AOAH: variants seen among roughly 807,000 people sequenced by gnomAD.
The protein encoded by AOAH is acyloxyacyl hydrolase, also known as acyloxyacyl hydrolase (neutrophil).
AOAH carries 64 observed loss-of-function variants against 92.2 expected under a neutral mutation model. The ratio of observed to expected loss-of-function variants is 0.69; its 90% CI spans 0.57 to 0.86. AOAH has a LOEUF of 0.86. AOAH is among the 40% of genes least tolerant of loss of function. The pLI is 0.00. For missense variants in AOAH, 656 were observed against 694.6 expected (o/e 0.94, Z 0.62); for synonymous variants, 263 against 254.5 (o/e 1.03, Z -0.32).
In AOAH at chr7:36,685,178, C is replaced by T. The variant is rs74873556; in HGVS notation, c.223+1521G>A. 6.3e-3 allele frequency among the ~76,000 whole-genome samples: 959 copies of T among 152,114 alleles called. 10 individuals are homozygous for T. The highest frequency in any genetic ancestry group is 0.022 in the African/African-American group (928 of 41,472). ...ACCATCCAGACTGTGGGAAACTCTACAGGTCAAATTCCACAACTAAGTGAT... is the reference window on the plus strand; with the variant it reads ...ACCATCCAGACTGTGGGAAACTCTATAGGTCAAATTCCACAACTAAGTGAT... On this transcript the variant is annotated intron_variant, in intron 2 of 20. Coordinates refer to ENST00000617537, the MANE Select transcript of AOAH (RefSeq NM_001637.4).
chr7:36,570,714 G>A (rs190018031), intron 13 of AOAH, among the ~76,000 whole-genome samples: 79 of 152,228 alleles, frequency 5.2e-4, no homozygotes, highest in African/African-American at 1.8e-3. Flanking sequence ...ATATCTCGTC[G>A]TGGTTCTTAC....
intron 1 of AOAH, among the ~76,000 whole-genome samples, chr7:36,705,967 T>C (rs1252151274): frequency 1.3e-5 from 2 of 152,090 alleles, no homozygotes; most frequent in African/African-American, 2.4e-5. Context: ...TGTAGAAAAC[T>C]GAAAATGAAC....
chr7:36,567,109 G>A (rs576567801), intron 13 of AOAH, among the ~76,000 whole-genome samples: 1 of 152,240 alleles, frequency 6.6e-6, no homozygotes, highest in Non-Finnish European at 1.5e-5. Context: ...ACCGTGCCTG[G>A]CCACTGCTCT....
At chr7:36,720,736 C>G (rs1027522905) in intron 1 of AOAH, among the ~76,000 whole-genome samples, 3 of 152,098 alleles carry the variant, frequency 2.0e-5, no homozygotes, top group Admixed American at 6.6e-5. Context: ...CTAAACTGGA[C>G]AGTGAATTTC....
intron 3 of AOAH, among the ~76,000 whole-genome samples, chr7:36,662,999 G>A (rs770622789): frequency 6.6e-6 from 1 of 152,200 alleles, no homozygotes; most frequent in African/African-American, 2.4e-5. Context: ...AGTATGGCAT[G>A]TGTACTCTTG....
chr7:36,609,369 C>T (rs1348669113), intron 11 of AOAH, among the ~76,000 whole-genome samples: 1 of 152,100 alleles, frequency 6.6e-6, no homozygotes, highest in African/African-American at 2.4e-5. Context: ...TCAAATCTGC[C>T]CCTTTCTCAG....
At chr7:36,631,673 C>T (rs1793114329) in intron 6 of AOAH, among the ~76,000 whole-genome samples, 1 of 152,168 alleles carries the variant, frequency 6.6e-6, no homozygotes, top group South Asian at 2.1e-4. Context: ...GAGTCTTCTC[C>T]ATGCCCAGTT....
intron 1 of AOAH, among the ~76,000 whole-genome samples, chr7:36,707,657 G>A (rs541942126): frequency 2.6e-5 from 4 of 152,220 alleles, no homozygotes; most frequent in African/African-American, 9.6e-5. Context: ...AAAGTTCAGC[G>A]ATTAGTCATA....
At chr7:36,657,798 G>A (rs1182943214) in intron 4 of AOAH, among the ~76,000 whole-genome samples, 2 of 152,172 alleles carry the variant, frequency 1.3e-5, no homozygotes, top group Admixed American at 6.5e-5. Context: ...ACAAGGACAT[G>A]AAATTTCAGA....
At chr7:36,686,883 T>A (rs975988511) in intron 1 of AOAH, 89 bp from the exon 2 acceptor site, 67 of 670,982 alleles carry the variant, frequency 1.0e-4, no homozygotes, top group Middle Eastern at 6.2e-4. Flanking sequence ...TGTGTGTGTG[T>A]GTGTGTGTGT....
chr7:36,514,442 C>G lies in AOAH; in HGVS notation c.1600-1062G>C, dbSNP rs373669032. On this transcript the variant is annotated intron_variant, in intron 20 of 20. Coordinates refer to ENST00000617537, the MANE Select transcript of AOAH (RefSeq NM_001637.4). ...TCCTTAGCTTAATACACAGCAGGCT[C>G]GACTCTGGCTTTCCCAGCCTGAGGC... 2.2e-5 allele frequency: 33 copies of G among 1,480,304 alleles called. No homozygotes were observed. The South Asian group carries it at 3.6e-4, about 16-fold the overall frequency. The allele number at this position is 1,480,304 out of a possible 1,614,324, so 91.7% of individuals were successfully genotyped here. A position where few individuals can be genotyped will look rare whatever the true frequency, so the allele number is the denominator to read the frequency against.
intron 1 of AOAH, among the ~76,000 whole-genome samples, chr7:36,698,595 T>C (rs956625913): frequency 2.0e-5 from 3 of 152,116 alleles, no homozygotes; most frequent in African/African-American, 7.2e-5. Context: ...TTTAGCTGCA[T>C]TCAATAGATT....
chr7:36,552,709 A>G (rs1786361072), intron 13 of AOAH, among the ~76,000 whole-genome samples: 1 of 151,870 alleles, frequency 6.6e-6, no homozygotes, highest in Non-Finnish European at 1.5e-5. Flanking sequence ...GTCATTTTCA[A>G]CCCTTGCTCC....
intron 2 of AOAH, among the ~76,000 whole-genome samples, chr7:36,678,600 TGCGC>T (rs1554314414): frequency 7.6e-6 from 1 of 131,102 alleles, no homozygotes; most frequent in African/African-American, 2.7e-5. Context: ...TGTGTGTGTG[TGCGC>T]GCGCGCGCGC....
At chr7:36,587,140 C>T (rs545690301) in intron 12 of AOAH, among the ~76,000 whole-genome samples, 65 of 151,604 alleles carry the variant, frequency 4.3e-4, no homozygotes, top group Non-Finnish European at 5.0e-4. Context: ...GGTGTGGCAG[C>T]GTGTGCCTGT....
intron 4 of AOAH, among the ~76,000 whole-genome samples, chr7:36,642,719 A>G (rs1286651463): frequency 6.6e-6 from 1 of 152,256 alleles, no homozygotes; most frequent in African/African-American, 2.4e-5. Context: ...CGTAAGCCAC[A>G]TGGGAGCCCA....
chr7:36,615,256 T>TAAC (rs1219485313), intron 11 of AOAH, among the ~76,000 whole-genome samples: 1 of 150,862 alleles, frequency 6.6e-6, no homozygotes, highest in Non-Finnish European at 1.5e-5. Flanking sequence ...ACGATGAACA[T>TAAC]AACATTTGTG....
chr7:36,553,776 T>A (rs1167586884), intron 13 of AOAH, among the ~76,000 whole-genome samples: 1 of 152,206 alleles, frequency 6.6e-6, no homozygotes, highest in African/African-American at 2.4e-5. Flanking sequence ...GCTGCATAAG[T>A]GTCTTCTTTT....
chr7:36,637,730 A>G (rs112014771), intron 5 of AOAH, 121 bp downstream of exon 5: 1 of 838,140 alleles, frequency 1.2e-6, no homozygotes, highest in Non-Finnish European at 2.0e-6. Flanking sequence ...ATCCCCACGT[A>G]GCTATGGCAT....
Sources: allele counts gnomAD v4.1 joint callset (sites outside exome capture counted in the v4.1 genomes callset), GRCh38; gene constraint gnomAD v4.1.1; transcripts MANE v1.5; gene names NCBI Gene and HGNC (gene_info 2026-07-23, HGNC 2026-07-21).